Variants in PLCL2 observed in about 807,000 individuals in gnomAD.
The protein encoded by PLCL2 is phospholipase C like 2, also known as inactive phospholipase C-like protein 2.
A neutral mutation model predicts 79.6 loss-of-function variants in PLCL2; 4 were observed. The ratio of observed to expected loss-of-function variants is 0.05; its 90% CI spans 0.02 to 0.11. The LOEUF is 0.11. Ranked by LOEUF, PLCL2 falls within the 10% of genes least tolerant of loss-of-function variation. The probability of loss-of-function intolerance (pLI) is 1.00; values close to 1 mark genes in which losing one functional copy is unlikely to be tolerated. For missense variants in PLCL2, 895 were observed against 1,291.0 expected (o/e 0.69, Z 4.70); for synonymous variants, 484 against 457.7 (o/e 1.06, Z -0.73).
At chr3:16,897,223 A>G (rs2124917886) in intron 1 of PLCL2, among the ~76,000 whole-genome samples, 1 of 152,110 alleles carries the variant, frequency 6.6e-6, no homozygotes, top group Admixed American at 6.5e-5. Flanking sequence ...ATTTGGAGAA[A>G]TAGATTTTAT....
chr3:16,909,864 A>G (rs1051493875), intron 1 of PLCL2, among the ~76,000 whole-genome samples: 2 of 152,130 alleles, frequency 1.3e-5, no homozygotes. Flanking sequence ...TTCCCTTCCC[A>G]TTCCTAGGAA....
At chr3:16,987,932 C>T (rs2124993131) in intron 1 of PLCL2, among the ~76,000 whole-genome samples, 1 of 152,120 alleles carries the variant, frequency 6.6e-6, no homozygotes, top group South Asian at 2.1e-4. Flanking sequence ...AGTTCTTGGC[C>T]AAATAAATGA....
chr3:16,959,559 A>G (rs1424591360), intron 1 of PLCL2, among the ~76,000 whole-genome samples: 1 of 151,938 alleles, frequency 6.6e-6, no homozygotes, highest in Non-Finnish European at 1.5e-5. Flanking sequence ...GACTGCGTGC[A>G]TCACCTTCCC....
chr3:17,035,787 G>T (rs767630019), intron 3 of PLCL2: 5 of 514,390 alleles, frequency 9.7e-6, no homozygotes, highest in African/African-American at 1.9e-5. Flanking sequence ...GAGTTGAGGT[G>T]CCTAGAAAGC....
intron 4 of PLCL2, among the ~76,000 whole-genome samples, chr3:17,064,819 C>T (rs968302415): frequency 6.6e-6 from 1 of 150,800 alleles, no homozygotes; most frequent in African/African-American, 2.4e-5. Flanking sequence ...ATCCCAGCTA[C>T]TTGGGAGGCT....
intron 1 of PLCL2, among the ~76,000 whole-genome samples, chr3:16,979,074 A>G (rs1405988629): frequency 6.6e-6 from 1 of 152,210 alleles, no homozygotes; most frequent in Non-Finnish European, 1.5e-5. Context: ...TTGGATGGTA[A>G]GCCGCTAGAC....
chr3:17,063,586 T>C (rs1176609646), intron 4 of PLCL2, among the ~76,000 whole-genome samples: 1 of 151,966 alleles, frequency 6.6e-6, no homozygotes, highest in African/African-American at 2.4e-5. Flanking sequence ...AGTGATTCTG[T>C]TACTCGTTGA....
intron 4 of PLCL2, among the ~76,000 whole-genome samples, chr3:17,051,055 T>C (rs942401620): frequency 1.3e-5 from 2 of 151,924 alleles, no homozygotes; most frequent in African/African-American, 2.4e-5. Flanking sequence ...AAGACAAACA[T>C]CACATGTTCC....
intron 1 of PLCL2, among the ~76,000 whole-genome samples, chr3:16,926,587 A>G (rs910439405): frequency 2.0e-5 from 3 of 152,200 alleles, no homozygotes; most frequent in Non-Finnish European, 4.4e-5. Flanking sequence ...CTATTTTAAT[A>G]TAGTGATCAG....
intron 1 of PLCL2, among the ~76,000 whole-genome samples, chr3:16,934,202 C>G (rs1697482868): frequency 6.6e-6 from 1 of 152,030 alleles, no homozygotes; most frequent in South Asian, 2.1e-4. Flanking sequence ...AACTGATGAC[C>G]CACAGTTAAA....
chr3:16,977,114 GCA>G (rs140307662), intron 1 of PLCL2, among the ~76,000 whole-genome samples: 116 of 149,828 alleles, frequency 7.7e-4, no homozygotes, highest in African/African-American at 1.9e-3. Flanking sequence ...CATTGAATAC[GCA>G]CACACACACA....
intron 1 of PLCL2, among the ~76,000 whole-genome samples, chr3:16,962,254 G>A (rs1231019029): frequency 6.6e-6 from 1 of 152,144 alleles, no homozygotes; most frequent in African/African-American, 2.4e-5. Flanking sequence ...AGTTGATTTA[G>A]TATGAAATGG....
intron 1 of PLCL2, among the ~76,000 whole-genome samples, chr3:17,004,282 C>T (rs534854379): frequency 7.8e-4 from 119 of 152,218 alleles, no homozygotes; most frequent in Non-Finnish European, 1.3e-3. Context: ...TTTACTTGCC[C>T]CCACTTCATG....
At chr3:16,947,707 C>T (rs2063615086) in intron 1 of PLCL2, among the ~76,000 whole-genome samples, 1 of 152,208 alleles carries the variant, frequency 6.6e-6, no homozygotes, top group Admixed American at 6.5e-5. Context: ...ACCTCAGTGA[C>T]TGGCAATATT....
intron 3 of PLCL2, 23 bp downstream of exon 3, chr3:17,014,934 A>G: frequency 6.3e-7 from 1 of 1,585,842 alleles, no homozygotes; most frequent in East Asian, 2.2e-5. Flanking sequence ...TTGTCCGTTT[A>G]CATAGCCTGG....
In PLCL2 at chr3:16,885,351, G is replaced by T. The variant is rs1282780422; in HGVS notation, c.312G>T (p.Arg104=). The change falls in exon 1 of 6, where the codon CGG becomes CGT. Residue 104 remains arginine, a synonymous_variant. Coordinates refer to ENST00000615277, the MANE Select transcript of PLCL2 (RefSeq NM_001144382.2). ...RESKPGGLPR[R]SSIIKDGTKQ... ...GCAAGCCGGGCGGCCTGCCCCGCCGGAGCAGCATCATCAAGGTAGGTGGGA... is the reference window on the plus strand; with the variant it reads ...GCAAGCCGGGCGGCCTGCCCCGCCGTAGCAGCATCATCAAGGTAGGTGGGA... 5 of 649,044 alleles carry T rather than the reference G, an allele frequency of 7.7e-6. No homozygotes were observed. The South Asian group carries it at 8.0e-5, about 10-fold the overall frequency. 40.2% of individuals were successfully genotyped at this position (649,044 alleles called of 1,614,324 possible).
At chr3:17,034,466 T>C (rs758494222) in intron 3 of PLCL2, among the ~76,000 whole-genome samples, 5 of 152,230 alleles carry the variant, frequency 3.3e-5, no homozygotes, top group Non-Finnish European at 5.9e-5. Flanking sequence ...CAATATTTGT[T>C]AACTGTTTTT....
intron 1 of PLCL2, among the ~76,000 whole-genome samples, chr3:16,895,595 CT>C (rs1239014036): frequency 6.6e-6 from 1 of 152,150 alleles, no homozygotes; most frequent in East Asian, 1.9e-4. Context: ...ACCACACTGT[CT>C]TTCTGGCTAG....
chr3:16,946,317 A>G (rs2063600147), intron 1 of PLCL2, among the ~76,000 whole-genome samples: 1 of 151,994 alleles, frequency 6.6e-6, no homozygotes, highest in Admixed American at 6.6e-5. Context: ...TCCACAGAAG[A>G]GAGTTTCCAG....
Sources: gnomAD v4.1 joint callset for allele counts (sites outside exome capture counted in the v4.1 genomes callset) on GRCh38, gnomAD v4.1.1 for gene constraint, MANE v1.5 for transcripts, NCBI Gene and HGNC (gene_info 2026-07-23, HGNC 2026-07-21) for gene names.